The following MDGA2 variants were observed in gnomAD, a reference collection of about 807,000 sequenced individuals.
MDGA2 encodes MAM domain containing glycosylphosphatidylinositol anchor 2, also known as MAM domain-containing glycosylphosphatidylinositol anchor protein 2.
A neutral mutation model predicts 117.8 loss-of-function variants in MDGA2; 40 were observed. The observed-to-expected ratio is 0.34, with a 90% confidence interval of 0.26 to 0.44. The LOEUF (loss-of-function observed/expected upper bound fraction) is 0.44, where lower values mean the gene tolerates loss of function less well. Ranked by LOEUF, MDGA2 falls within the 20% of genes least tolerant of loss-of-function variation. The pLI, the probability that MDGA2 is intolerant of heterozygous loss-of-function variation, is 1.00. For missense variants in MDGA2, 1,123 were observed against 1,250.6 expected (o/e 0.90, Z 1.54); for synonymous variants, 452 against 439.0 (o/e 1.03, Z -0.37).
chr14:47,251,855 C>G (rs1208211659), intron 2 of MDGA2, among the ~76,000 whole-genome samples: 1 of 152,032 alleles, frequency 6.6e-6, no homozygotes, highest in Non-Finnish European at 1.5e-5. Flanking sequence ...AGAACTTTAA[C>G]CTGTTATTGG....
intron 10 of MDGA2, among the ~76,000 whole-genome samples, chr14:46,916,402 G>C (rs1883899127): frequency 6.6e-6 from 1 of 151,394 alleles, no homozygotes; most frequent in Non-Finnish European, 1.5e-5. Flanking sequence ...GGTAATGTTT[G>C]CAATAAATTC....
intron 1 of MDGA2, among the ~76,000 whole-genome samples, chr14:47,440,338 G>T (rs924816586): frequency 1.3e-5 from 2 of 152,064 alleles, no homozygotes; most frequent in African/African-American, 4.8e-5. Context: ...TTCCCCTGAG[G>T]GACTATGTCC....
At chr14:47,471,662 C>T (rs1416427191) in intron 1 of MDGA2, among the ~76,000 whole-genome samples, 1 of 151,900 alleles carries the variant, frequency 6.6e-6, no homozygotes, top group Non-Finnish European at 1.5e-5. Flanking sequence ...GGTTAGTGTG[C>T]AAATAATTCT....
chr14:47,375,187 A>G (rs1891450559), intron 1 of MDGA2, among the ~76,000 whole-genome samples: 1 of 148,000 alleles, frequency 6.8e-6, no homozygotes, highest in Non-Finnish European at 1.5e-5. Flanking sequence ...ACTTTCATAT[A>G]CAGTGCCTCT....
intron 1 of MDGA2, among the ~76,000 whole-genome samples, chr14:47,358,698 C>G (rs1168780427): frequency 1.3e-5 from 2 of 152,052 alleles, no homozygotes; most frequent in African/African-American, 4.8e-5. Context: ...GTCAAGAAAA[C>G]AATCCCATTT....
chr14:47,258,707 A>C (rs1887700829), intron 2 of MDGA2, among the ~76,000 whole-genome samples: 1 of 139,754 alleles, frequency 7.2e-6, no homozygotes, highest in African/African-American at 2.8e-5. Flanking sequence ...TTGGAAATGC[A>C]TCTGTTAATC....
At chr14:47,605,163 G>C (rs1896719894) in intron 1 of MDGA2, among the ~76,000 whole-genome samples, 1 of 151,976 alleles carries the variant, frequency 6.6e-6, no homozygotes, top group African/African-American at 2.4e-5. Flanking sequence ...GTTCCCTTAG[G>C]TTTATTTATT....
At chr14:46,848,981 A>AAT (rs1880952782) in intron 15 of MDGA2, among the ~76,000 whole-genome samples, 1 of 152,056 alleles carries the variant, frequency 6.6e-6, no homozygotes, top group Non-Finnish European at 1.5e-5. Flanking sequence ...CTGATTTGCA[A>AAT]ATATATTATT....
At position 46,920,175 on chromosome 14, in the gene MDGA2, T is replaced by G. The variant is rs1227402978; in HGVS notation, c.2090-15A>C. 6.9e-6 allele frequency: 11 copies of G among 1,603,952 alleles called. No homozygotes were observed. The highest frequency in any genetic ancestry group is 8.5e-6 in the Non-Finnish European group (10 of 1,176,470). On this transcript the variant is annotated splice_polypyrimidine_tract_variant and intron_variant, in intron 9 of 16. Coordinates refer to ENST00000399232, the MANE Select transcript of MDGA2 (RefSeq NM_001113498.3). ...ATAGGCCTTTCCTGAAAACAGAAAG[T>G]GTGCTTAAATTTGAATGATGACATA...
intron 5 of MDGA2, 100 bp downstream of exon 5, chr14:47,131,614 A>C (rs748225225): frequency 8.5e-6 from 8 of 943,980 alleles, no homozygotes; most frequent in Non-Finnish European, 1.2e-5. Context: ...TTATTCCTAC[A>C]TACACCGTAG....
intron 1 of MDGA2, among the ~76,000 whole-genome samples, chr14:47,357,170 A>G (rs1891013622): frequency 6.6e-6 from 1 of 152,158 alleles, no homozygotes; most frequent in East Asian, 1.9e-4. Flanking sequence ...TACCTAGGAC[A>G]GTGCACTGAG....
chr14:47,630,578 T>C (rs1429014601), intron 1 of MDGA2, among the ~76,000 whole-genome samples: 1 of 152,212 alleles, frequency 6.6e-6, no homozygotes, highest in Non-Finnish European at 1.5e-5. Context: ...CTGGAAAGAA[T>C]CCTATACTTT....
chr14:47,453,087 A>G (rs184487613), intron 1 of MDGA2, among the ~76,000 whole-genome samples: 1 of 152,190 alleles, frequency 6.6e-6, no homozygotes, highest in Non-Finnish European at 1.5e-5. Context: ...AATAAAGTTT[A>G]AAGTATTTCA....
intron 9 of MDGA2, among the ~76,000 whole-genome samples, chr14:46,922,439 G>A (rs1038648357): frequency 6.6e-6 from 1 of 152,108 alleles, no homozygotes; most frequent in African/African-American, 2.4e-5. Context: ...TGTCAAACTG[G>A]ATTTGATATG....
At chr14:47,527,786 G>T (rs1472747847) in intron 1 of MDGA2, among the ~76,000 whole-genome samples, 1 of 152,196 alleles carries the variant, frequency 6.6e-6, no homozygotes, top group Non-Finnish European at 1.5e-5. Context: ...GGCAATGCCA[G>T]ACTGCAGAGA....
rs1335431204 is a variant in MDGA2, at chr14:46,845,790, C to A, written c.2965G>T (p.Ala989Ser). The change falls in exon 16 of 17, where the codon GCA becomes TCA. Residue 989 changes from alanine (A) to serine (S), a missense_variant. Around this residue, in one of 2 missense-constraint regions of MDGA2, gnomAD observed 890 missense variants for 1,050.3 expected, o/e 0.85. Transcript: ENST00000399232. ...CTCTTAGTTGCTAGGTCTTGTTTTG[C>A]ACATTCTCCTTCTGCAATTGATACA... is the stretch of plus-strand genomic sequence containing the variant. ...DDVSIAEGEC[A>S]KQDLATKNSV... 2.5e-6 allele frequency: 4 copies of A among 1,612,796 alleles called. No homozygotes were observed. In the African/African-American group the frequency reaches 4.0e-5, roughly 16 times the overall value.
chr14:47,561,141 GT>G (rs745347174), intron 1 of MDGA2, among the ~76,000 whole-genome samples: 34 of 52,148 alleles, frequency 6.5e-4, no homozygotes, highest in Admixed American at 1.2e-3. Context: ...CTCTATCTTT[GT>G]TTTTTTTTTT....
At chr14:47,514,926 G>A (rs1025908240) in intron 1 of MDGA2, among the ~76,000 whole-genome samples, 2 of 152,272 alleles carry the variant, frequency 1.3e-5, no homozygotes, top group Admixed American at 1.3e-4. Context: ...CATCTCCTGT[G>A]ATAAGAAGCT....
At chr14:47,312,805 C>T (rs182005609) in intron 1 of MDGA2, among the ~76,000 whole-genome samples, 80 of 140,670 alleles carry the variant, frequency 5.7e-4, no homozygotes, top group African/African-American at 1.9e-3. Context: ...GCTGGAATTT[C>T]AGGCATGAGC....
Sources: gnomAD v4.1 joint callset for allele counts (sites outside exome capture counted in the v4.1 genomes callset) on GRCh38, gnomAD v4.1.1 for gene constraint, gnomAD v4.1.1 regional missense constraint, MANE v1.5 for transcripts, NCBI Gene and HGNC (gene_info 2026-07-23, HGNC 2026-07-21) for gene names.